VTI1A: variants seen among roughly 807,000 people sequenced by gnomAD.
VTI1A encodes the protein vesicle transport through interaction with t-SNAREs homolog 1A.
Under a neutral mutation model 34.9 loss-of-function variants are expected in VTI1A, and 22 were observed. The observed-to-expected ratio is 0.63, with a 90% confidence interval of 0.45 to 0.90. The LOEUF (loss-of-function observed/expected upper bound fraction) is 0.90. Among genes scored for constraint, VTI1A ranks in the 40% least tolerant of loss-of-function variants. VTI1A has a pLI of 0.00. For missense variants in VTI1A, 268 were observed against 275.6 expected (o/e 0.97, Z 0.20); for synonymous variants, 87 against 97.3 (o/e 0.89, Z 0.62).
At chr10:112,757,828 A>G (rs948833053) in intron 7 of VTI1A, among the ~76,000 whole-genome samples, 22 of 152,286 alleles carry the variant, frequency 1.4e-4, no homozygotes, top group African/African-American at 5.1e-4. Context: ...ACTTTTCAAT[A>G]TGTTTTCTTC....
chr10:112,670,237 A>C (rs1371581181), intron 7 of VTI1A, among the ~76,000 whole-genome samples: 1 of 152,134 alleles, frequency 6.6e-6, no homozygotes, highest in Non-Finnish European at 1.5e-5. Context: ...GCTGTAACGA[A>C]TATTCTGCAT....
chr10:112,849,422 C>T, the VTI1A span, among the ~76,000 whole-genome samples: 7 of 152,278 alleles, frequency 4.6e-5, 1 homozygote, highest in African/African-American at 1.7e-4. Flanking sequence ...GGAGCTGGAG[C>T]CTGGGGCAAC....
chr10:112,734,348 G>C (rs543240761), intron 7 of VTI1A, among the ~76,000 whole-genome samples: 6 of 152,190 alleles, frequency 3.9e-5, no homozygotes, highest in African/African-American at 1.4e-4. Context: ...GCATCCCTTT[G>C]TGTGTCCTGT....
chr10:112,788,991 A>G (rs1159263443), intron 7 of VTI1A, among the ~76,000 whole-genome samples: 1 of 152,108 alleles, frequency 6.6e-6, no homozygotes, highest in East Asian at 1.9e-4. Flanking sequence ...TATGATTATC[A>G]TATCTACACA....
chr10:112,519,408 C>G (rs1849928919), intron 3 of VTI1A, among the ~76,000 whole-genome samples: 2 of 152,122 alleles, frequency 1.3e-5, no homozygotes, highest in African/African-American at 2.4e-5. Flanking sequence ...TTTATTCTAT[C>G]AAATAAAACA....
chr10:112,501,166 T>C (rs1262049489), intron 3 of VTI1A, among the ~76,000 whole-genome samples: 1 of 152,180 alleles, frequency 6.6e-6, no homozygotes, highest in Non-Finnish European at 1.5e-5. Flanking sequence ...CAATACATTG[T>C]TGTTAAATGA....
chr10:112,541,842 T>G (rs1380626290), intron 5 of VTI1A, among the ~76,000 whole-genome samples: 1 of 152,210 alleles, frequency 6.6e-6, no homozygotes, highest in East Asian at 1.9e-4. Flanking sequence ...CCAGTCAGGT[T>G]TCTTTGATGG....
intron 5 of VTI1A, among the ~76,000 whole-genome samples, chr10:112,592,077 G>A (rs1844412640): frequency 6.6e-6 from 1 of 152,150 alleles, no homozygotes; most frequent in Non-Finnish European, 1.5e-5. Flanking sequence ...TTCGCTGGCT[G>A]ACAAGCAGCA....
chr10:112,661,995 C>T (rs893218044), intron 5 of VTI1A, among the ~76,000 whole-genome samples: 3 of 152,100 alleles, frequency 2.0e-5, no homozygotes, highest in Non-Finnish European at 4.4e-5. Context: ...TGGTCTTGAA[C>T]TCCTGACCTC....
chr10:112,496,714 G>A (rs73363099), intron 3 of VTI1A, among the ~76,000 whole-genome samples: 256 of 152,236 alleles, frequency 1.7e-3, no homozygotes, highest in African/African-American at 6.0e-3. Context: ...GGTGACAATG[G>A]GCACTGCAAT....
At chr10:112,604,393 C>T (rs1385691309) in intron 5 of VTI1A, among the ~76,000 whole-genome samples, 1 of 152,178 alleles carries the variant, frequency 6.6e-6, no homozygotes. Flanking sequence ...GTCCTTGTTT[C>T]TCTATCCTAT....
At chr10:112,693,136 G>A (rs867386345) in intron 7 of VTI1A, among the ~76,000 whole-genome samples, 9 of 152,172 alleles carry the variant, frequency 5.9e-5, no homozygotes, top group South Asian at 4.1e-4. Context: ...TAAGTGAAGT[G>A]CAGCCCATTT....
chr10:112,458,229 C>T (rs1847606195), intron 1 of VTI1A, among the ~76,000 whole-genome samples: 1 of 152,138 alleles, frequency 6.6e-6, no homozygotes, highest in Non-Finnish European at 1.5e-5. Context: ...AACTGAATAC[C>T]TTAAAGAGAA....
intron 3 of VTI1A, among the ~76,000 whole-genome samples, chr10:112,509,368 C>G (rs1251924061): frequency 6.6e-6 from 1 of 151,710 alleles, no homozygotes; most frequent in Non-Finnish European, 1.5e-5. Flanking sequence ...AAAATACCAG[C>G]CAAGAAAACA....
chr10:112,715,105 A>G (rs1016380986), intron 7 of VTI1A, among the ~76,000 whole-genome samples: 1 of 152,096 alleles, frequency 6.6e-6, no homozygotes, highest in African/African-American at 2.4e-5. Context: ...ATTTGGGTTC[A>G]ATCATACCTG....
At chr10:112,457,420 C>G (rs1189364672) in intron 1 of VTI1A, among the ~76,000 whole-genome samples, 1 of 152,116 alleles carries the variant, frequency 6.6e-6, no homozygotes, top group African/African-American at 2.4e-5. Context: ...CCCAGAGCCT[C>G]TAAGTTGAAA....
chr10:112,810,893 C>T (rs1853259846), intron 7 of VTI1A, among the ~76,000 whole-genome samples: 1 of 152,056 alleles, frequency 6.6e-6, no homozygotes, highest in Non-Finnish European at 1.5e-5. Context: ...AGTGTTGTGA[C>T]CAAGAGGTCA....
chr10:112,610,586 G>T (rs1845257602), intron 5 of VTI1A, among the ~76,000 whole-genome samples: 1 of 152,120 alleles, frequency 6.6e-6, no homozygotes, highest in South Asian at 2.1e-4. Flanking sequence ...TGCTTTGATA[G>T]CTTATTACTC....
At chr10:112,581,785 C>T (rs539960214) in intron 5 of VTI1A, among the ~76,000 whole-genome samples, 3 of 152,242 alleles carry the variant, frequency 2.0e-5, no homozygotes, top group East Asian at 3.9e-4. Flanking sequence ...ACACTAGCCA[C>T]CTCCATAATC....
Sources: gnomAD v4.1 joint callset for allele counts (sites outside exome capture counted in the v4.1 genomes callset) on GRCh38, gnomAD v4.1.1 for gene constraint, MANE v1.5 for transcripts, NCBI Gene and HGNC (gene_info 2026-07-23, HGNC 2026-07-21) for gene names.